Variants in FAM83F observed in about 807,000 individuals in gnomAD.
FAM83F encodes scaffolding CK1 anchoring protein F.
FAM83F carries 45 observed loss-of-function variants against 42.9 expected under a neutral mutation model. The ratio of observed to expected loss-of-function variants is 1.05; its 90% CI spans 0.83 to 1.35. FAM83F has a LOEUF of 1.35. FAM83F is among the 40% of genes most tolerant of loss of function. The pLI, the probability that FAM83F is intolerant of heterozygous loss-of-function variation, is 0.00. For missense variants in FAM83F, 617 were observed against 695.9 expected (o/e 0.89, Z 1.28); for synonymous variants, 306 against 298.3 (o/e 1.03, Z -0.27).
intron 4 of FAM83F, 67 bp downstream of exon 4, chr22:40,022,030 A>T (rs2067526508): frequency 1.5e-6 from 2 of 1,354,376 alleles, no homozygotes; most frequent in Non-Finnish European, 2.0e-6. Flanking sequence ...ATCGGCTCTT[A>T]TCCAGGAGCA....
intron 1 of FAM83F, among the ~76,000 whole-genome samples, chr22:40,016,437 A>T (rs1444959799): frequency 2.0e-5 from 3 of 152,048 alleles, no homozygotes; most frequent in Non-Finnish European, 4.4e-5. Context: ...GAGCTCAAGC[A>T]GTCCTCCTGT....
At chr22:40,015,919 T>C (rs2067490120) in intron 1 of FAM83F, among the ~76,000 whole-genome samples, 1 of 152,192 alleles carries the variant, frequency 6.6e-6, no homozygotes, top group African/African-American at 2.4e-5. Flanking sequence ...TCTCTGCCTG[T>C]GGGGCTCAGG....
Position 40,032,619 on chromosome 22 carries a change from G to A in FAM83F, c.*3054G>A, listed in dbSNP as rs569638119. ...GTCTCACCCTGTTGCCCAGGCTGGA[G>A]TGCAGTGACAGCGATCTTGGCTCAC... On this transcript the variant is annotated 3_prime_UTR_variant, in exon 5 of 5. Transcript: ENST00000333407. 2.0e-5 allele frequency: 3 copies of A among 151,208 alleles called. No homozygotes were observed. The highest frequency in any genetic ancestry group is 6.6e-5 in the Admixed American group (1 of 15,152). 9.4% of individuals were successfully genotyped at this position (151,208 alleles called of 1,614,324 possible).
intron 2 of FAM83F, 43 bp downstream of exon 2, chr22:40,019,378 C>CA: frequency 6.3e-7 from 1 of 1,585,952 alleles, no homozygotes; most frequent in Non-Finnish European, 8.6e-7. Context: ...GGAGATGAGA[C>CA]AGAGACTACC....
At chr22:40,017,204 A>G (rs866616218) in intron 1 of FAM83F, among the ~76,000 whole-genome samples, 1 of 148,238 alleles carries the variant, frequency 6.7e-6, no homozygotes, top group Non-Finnish European at 1.5e-5. Context: ...ACCTGGTGGC[A>G]GGTGCTGCTC....
chr22:39,998,694 T>C (rs2067382724), intron 1 of FAM83F: 1 of 152,168 alleles, frequency 6.6e-6, no homozygotes, highest in Non-Finnish European at 1.5e-5. Context: ...GGGCGGGGTT[T>C]TTTTCTGCTG....
Position 40,004,236 on chromosome 22 carries a change from A to G in FAM83F, c.489+8705A>G, listed in dbSNP as rs947509266. On this transcript the variant is annotated intron_variant, in intron 1 of 4. Coordinates refer to ENST00000333407, the MANE Select transcript of FAM83F (RefSeq NM_138435.4). ...TTGATAGCTATTACTTATTGGGCAT[A>G]TAAGTGCTAGGCAAATGCCAGCCCT... Among the ~76,000 whole-genome samples the G allele has an allele frequency of 1.1e-4, 16 of 144,810 alleles. No homozygotes were observed. The South Asian group carries it at 2.0e-3, about 18-fold the overall frequency.
chr22:39,995,522 G>A lies in FAM83F; in HGVS notation c.480G>A (p.Gln160=), dbSNP rs754909455. 2.1e-5 allele frequency: 33 copies of A among 1,564,320 alleles called. No individual in the cohort carries two copies. Among genetic ancestry groups the A allele is most frequent in the Admixed American group, 5.5e-5 (3 of 54,312 alleles). The change falls in exon 1 of 5, where the codon CAG becomes CAA. Residue 160 remains glutamine, a synonymous_variant. Transcript: ENST00000333407. This position sits in a 1 kb window ranked among gnomAD's most constrained non-coding sequence, Gnocchi z 4.6. The part of the protein sequence containing the change: ...LKQVVRQMIQ[Q]AQKVIAVVMD... Reference sequence around the variant, plus strand: ...AGGTGGTCAGGCAGATGATCCAACAGGCCCAGAAGGTAGGCCCCCGCCTTC... The same window carrying A: ...AGGTGGTCAGGCAGATGATCCAACAAGCCCAGAAGGTAGGCCCCCGCCTTC...
intron 1 of FAM83F, chr22:40,010,172 C>T (rs1428180114): frequency 6.6e-6 from 1 of 152,192 alleles, no homozygotes; most frequent in East Asian, 1.9e-4. Flanking sequence ...GCGTGATTTC[C>T]TCCCCCAACA....
In FAM83F at chr22:40,021,988, G is replaced by A; in HGVS notation, c.1453+25G>A. The A allele has an allele frequency of 6.6e-7, 1 of 1,518,938 alleles. No homozygotes were observed. The highest frequency in any genetic ancestry group is 1.3e-5 in the South Asian group (1 of 77,972). 94.1% of individuals were successfully genotyped at this position (1,518,938 alleles called of 1,614,324 possible). On this transcript the variant is annotated intron_variant, in intron 4 of 4. Coordinates refer to ENST00000333407, the MANE Select transcript of FAM83F (RefSeq NM_138435.4). This position sits in a 1 kb window ranked among gnomAD's most constrained non-coding sequence, Gnocchi z 8.7. ...GGTGAGCCCTCTTCCCTCTGGCCTG[G>A]TGCCTCCCCAGGCCTCTGGCCCTCG...
At position 40,041,602 on chromosome 22, in the gene FAM83F, T is replaced by C. The variant is rs944855141; in HGVS notation, c.*12037T>C. ...CAGATTGGCTTCCTTCCTATAAGTA[T>C]AGAAAGCGAGGGCAGGTTCCATCCA... On this transcript the variant is annotated 3_prime_UTR_variant, in exon 5 of 5. Coordinates refer to ENST00000333407, the MANE Select transcript of FAM83F (RefSeq NM_138435.4). 3.3e-5 allele frequency: 5 copies of C among 152,186 alleles called. No homozygotes were observed. Among genetic ancestry groups the C allele is most frequent in the African/African-American group, 7.2e-5 (3 of 41,450 alleles). 9.4% of individuals were successfully genotyped at this position (152,186 alleles called of 1,614,324 possible).
Position 39,995,015 on chromosome 22 carries a change from C to T in FAM83F, c.-28C>T. On this transcript the variant is annotated 5_prime_UTR_variant, in exon 1 of 5. Transcript: ENST00000333407. The surrounding 1 kb of genome is among the most constrained non-coding windows in gnomAD (Gnocchi z 4.6). ...ACCTCGGACCGCGGCGGGGCCGGGG[C>T]CAGGGCCGGGGCCGGGGCCGGGGCG... The T allele has an allele frequency of 1.6e-6, 2 of 1,250,702 alleles. No individual in the cohort carries two copies. The highest frequency in any genetic ancestry group is 2.0e-6 in the Non-Finnish European group (2 of 999,218). The allele number at this position is 1,250,702 out of a possible 1,614,324, so 77.5% of individuals were successfully genotyped here.
chr22:40,010,346 G>C (rs77048750), intron 1 of FAM83F, among the ~76,000 whole-genome samples: 1 of 152,208 alleles, frequency 6.6e-6, no homozygotes, highest in Non-Finnish European at 1.5e-5. Flanking sequence ...CTGACACTGC[G>C]GAGCTGAATG....
chr22:40,006,676 A>G (rs374485258), intron 1 of FAM83F, among the ~76,000 whole-genome samples: 1 of 152,356 alleles, frequency 6.6e-6, no homozygotes. Context: ...TCTGGGGGAA[A>G]GTGGATAAAT....
At chr22:40,004,287 T>TATTTTATTTTATTTTATTTTATTTTA (rs1388415342) in intron 1 of FAM83F, among the ~76,000 whole-genome samples, 4 of 149,376 alleles carry the variant, frequency 2.7e-5, no homozygotes, top group Admixed American at 6.7e-5. Flanking sequence ...TATTTTATTT[T>TATTTTATTTTATTTTATTTTATTTTA]ATTTTATTTT....
rs1236508246 is a variant in FAM83F at position 40,041,935 on chromosome 22, T to G, written c.*12370T>G. On this transcript the variant is annotated 3_prime_UTR_variant, in exon 5 of 5. Transcript: ENST00000333407. ...GCTGGAGTGCAGTGGTGTGGCTCAC[T>G]GCAGCCTTGAACTCCCAGGCTCAAG... 1.3e-5 allele frequency: 2 copies of G among 152,124 alleles called. No individual in the cohort carries two copies. The highest frequency in any genetic ancestry group is 2.4e-5 in the African/African-American group (1 of 41,372). 9.4% of individuals were successfully genotyped at this position (152,124 alleles called of 1,614,324 possible). A position where few individuals can be genotyped will look rare whatever the true frequency, so the allele number is the denominator to read the frequency against.
In FAM83F at chr22:40,032,702, A is replaced by G. The variant is rs6001723; in HGVS notation, c.*3137A>G. On this transcript the variant is annotated 3_prime_UTR_variant, in exon 5 of 5. Coordinates refer to ENST00000333407, the MANE Select transcript of FAM83F (RefSeq NM_138435.4). ...TTCTGCCTCAGCCTCCTGAGCAGCT[A>G]TGACTACAGGTGCCCACCACCATGC... 59,677 of 151,320 alleles carry G rather than the reference A, an allele frequency of 0.39. 14,839 individuals carry two copies. The highest frequency in any genetic ancestry group is 0.7 in the African/African-American group (29,082 of 41,256). 9.4% of individuals were successfully genotyped at this position (151,320 alleles called of 1,614,324 possible). A position where few individuals can be genotyped will look rare whatever the true frequency, so the allele number is the denominator to read the frequency against.
At position 40,021,208 on chromosome 22, in the gene FAM83F, C is replaced by T. The variant is rs747720732; in HGVS notation, c.780-82C>T. 1.0e-4 allele frequency: 148 copies of T among 1,443,416 alleles called. No homozygotes were observed. The highest frequency in any genetic ancestry group is 9.2e-5 in the Non-Finnish European group (100 of 1,086,910). The allele number at this position is 1,443,416 out of a possible 1,614,324, so 89.4% of individuals were successfully genotyped here. ...ACCTGCAGCAAGGGTCTGGCCACAG[C>T]GGAGGGGCAGGTGGGGGCGGGGGCA... is the stretch of plus-strand genomic sequence containing the variant. On this transcript the variant is annotated intron_variant, in intron 3 of 4. Transcript: ENST00000333407. The surrounding 1 kb of genome is among the most constrained non-coding windows in gnomAD (Gnocchi z 8.7).
chr22:40,007,712 C>T (rs1472046295), intron 1 of FAM83F, among the ~76,000 whole-genome samples: 2 of 147,994 alleles, frequency 1.4e-5, no homozygotes, highest in African/African-American at 5.0e-5. Flanking sequence ...CCTCTCCTCT[C>T]TTCCTCCTGT....
Sources: allele counts gnomAD v4.1 joint callset (sites outside exome capture counted in the v4.1 genomes callset), GRCh38; gene constraint gnomAD v4.1.1; non-coding constraint Gnocchi (gnomAD v3.1); transcripts MANE v1.5; gene names NCBI Gene and HGNC (gene_info 2026-07-23, HGNC 2026-07-21).